ERG: variants seen among roughly 807,000 people sequenced by gnomAD.
ERG encodes the protein ETS transcription factor ERG.
In ERG, 9 loss-of-function variants were observed where a neutral mutation model predicts 55.3. The observed-to-expected ratio is 0.16, with a 90% confidence interval of 0.10 to 0.28. The LOEUF (loss-of-function observed/expected upper bound fraction) is 0.28. Ranked by LOEUF, ERG falls within the 10% of genes least tolerant of loss-of-function variation. The probability of loss-of-function intolerance (pLI) is 1.00; values close to 1 mark genes in which losing one functional copy is unlikely to be tolerated. For missense variants in ERG, 434 were observed against 631.6 expected, an observed-to-expected ratio of 0.69 and a Z score of 3.35; for synonymous variants, 223 against 237.3, an observed-to-expected ratio of 0.94 and a Z score of 0.55.
chr21:38,655,102 A>C (rs1485395070), intron 1 of ERG, among the ~76,000 whole-genome samples: 2 of 152,132 alleles, frequency 1.3e-5, no homozygotes, highest in Admixed American at 1.3e-4. Context: ...TTGCTAGTAC[A>C]TCCTTCACTT....
At chr21:38,531,897 C>T (rs748757166) in intron 2 of ERG, among the ~76,000 whole-genome samples, 1 of 152,012 alleles carries the variant, frequency 6.6e-6, no homozygotes, top group Non-Finnish European at 1.5e-5. Context: ...GAACCCAGGC[C>T]AGGAAAAGCT....
intron 7 of ERG, among the ~76,000 whole-genome samples, chr21:38,392,005 C>A (rs1404586861): frequency 1.3e-5 from 2 of 150,526 alleles, no homozygotes; most frequent in Non-Finnish European, 3.0e-5. Flanking sequence ...TACAATAAAT[C>A]ATAGTCTAAG....
At chr21:38,611,559 C>T (rs1315444780) in intron 1 of ERG, among the ~76,000 whole-genome samples, 1 of 152,156 alleles carries the variant, frequency 6.6e-6, no homozygotes, top group East Asian at 1.9e-4. Context: ...AGATAGCTCC[C>T]GGCTCCCCCT....
Position 38,380,375 on chromosome 21 carries a change from AC to A in ERG, c.*3027del, listed in dbSNP as rs1171817935. 24 of 1,060,782 alleles carry A rather than the reference AC, an allele frequency of 2.3e-5. No homozygotes were observed. The highest frequency in any genetic ancestry group is 4.2e-4 in the Middle Eastern group (1 of 2,378). 65.7% of individuals were successfully genotyped at this position (1,060,782 alleles called of 1,614,324 possible). ...GCAGTCCTGACAAAGCACTTTGTGA[AC>A]CCCTCCGGGACATAAGGGCATCAAA... On this transcript the variant is annotated 3_prime_UTR_variant, in exon 10 of 10. Transcript: ENST00000288319.
intron 2 of ERG, among the ~76,000 whole-genome samples, chr21:38,571,553 A>G (rs2059958042): frequency 6.6e-6 from 1 of 152,002 alleles, no homozygotes; most frequent in Non-Finnish European, 1.5e-5. Context: ...AAAATTTTTA[A>G]AAAAGGTACC....
At position 38,403,671 on chromosome 21, in the gene ERG, G is replaced by A. The variant is rs2146457148; in HGVS notation, c.427C>T (p.Leu143=). Residue 143 remains leucine, a synonymous_variant, in exon 4 of 10, where the codon CTG becomes TTG. Coordinates refer to ENST00000288319, the MANE Select transcript of ERG (RefSeq NM_182918.4). ...CCATATTCTTTCACCGCCCACTCCA[G>A]CCACTGCCGCACATGGTCTGTACTC... ...LWSTDHVRQW[L]EWAVKEYGLP... 1 of 1,614,178 alleles carries A rather than the reference G, an allele frequency of 6.2e-7. No individual in the cohort carries two copies. The highest frequency in any genetic ancestry group is 8.5e-7 in the Non-Finnish European group (1 of 1,180,016).
chr21:38,628,129 T>C (rs2060336445), intron 1 of ERG, among the ~76,000 whole-genome samples: 1 of 152,094 alleles, frequency 6.6e-6, no homozygotes, highest in Non-Finnish European at 1.5e-5. Flanking sequence ...TTGTATATTT[T>C]TGTAGAGACA....
At chr21:38,532,862 T>C (rs182562106) in intron 2 of ERG, among the ~76,000 whole-genome samples, 5 of 152,284 alleles carry the variant, frequency 3.3e-5, no homozygotes, top group Admixed American at 2.6e-4. Flanking sequence ...AATCCCTTAA[T>C]AAAAATTATG....
At chr21:38,593,812 G>C (rs1568937382) in intron 1 of ERG, among the ~76,000 whole-genome samples, 2 of 152,076 alleles carry the variant, frequency 1.3e-5, no homozygotes, top group Non-Finnish European at 2.9e-5. Context: ...ACATATAAGA[G>C]ACTTTATTAC....
At chr21:38,572,794 C>T (rs1601258008) in intron 2 of ERG, among the ~76,000 whole-genome samples, 2 of 152,146 alleles carry the variant, frequency 1.3e-5, no homozygotes, top group South Asian at 4.1e-4. Flanking sequence ...TTGACATCAA[C>T]CAATATGATG....
chr21:38,530,205 GC>G lies in ERG; in HGVS notation c.-41+45456del, dbSNP rs2059662252. Among the ~76,000 whole-genome samples, 4 of 151,896 alleles carry G rather than the reference GC, an allele frequency of 2.6e-5. No homozygotes were observed. In the South Asian group the frequency reaches 8.3e-4, roughly 32 times the overall value. ...CTCCTGAGTAGCTGAGACTATAGGC[GC>G]ACACCACCATGCCCAGCTAATTTTT... is the stretch of plus-strand genomic sequence containing the variant. On this transcript the variant is annotated intron_variant, in intron 2 of 8. Coordinates refer to the ERG transcript ENST00000398897.
chr21:38,487,583 A>T (rs76762307), intron 1 of ERG, among the ~76,000 whole-genome samples: 1 of 152,324 alleles, frequency 6.6e-6, no homozygotes, highest in African/African-American at 2.4e-5. Flanking sequence ...CATCACCCAA[A>T]TGTGGTTCAG....
At chr21:38,554,213 C>T (rs1389476616) in intron 2 of ERG, among the ~76,000 whole-genome samples, 1 of 152,166 alleles carries the variant, frequency 6.6e-6, no homozygotes. Flanking sequence ...GAAAAAGGAA[C>T]AGTTATATGC....
intron 1 of ERG, among the ~76,000 whole-genome samples, chr21:38,480,409 G>A (rs2059226481): frequency 6.6e-6 from 1 of 151,828 alleles, no homozygotes; most frequent in South Asian, 2.1e-4. Flanking sequence ...CTCCAGAAGG[G>A]ACCAACCCAG....
At chr21:38,405,436 G>C (rs960609873) in intron 3 of ERG, among the ~76,000 whole-genome samples, 1 of 152,104 alleles carries the variant, frequency 6.6e-6, no homozygotes. Context: ...CCAGGGCCTG[G>C]GGTCCTTTCT....
intron 2 of ERG, among the ~76,000 whole-genome samples, chr21:38,431,288 C>T (rs927767469): frequency 6.6e-6 from 1 of 152,138 alleles, no homozygotes; most frequent in African/African-American, 2.4e-5. Context: ...TTTCAAGCCC[C>T]CAGACATGAC....
In ERG at chr21:38,381,374, G is replaced by GC; in HGVS notation, c.*2028dup. ...AGCATTTGTGATTCAAAGAAAAGAT[G>GC]CCCAGGGAAACTGACTCTAGATTAT... On this transcript the variant is annotated 3_prime_UTR_variant, in exon 10 of 10. Coordinates refer to ENST00000288319, the MANE Select transcript of ERG (RefSeq NM_182918.4). 3.8e-6 allele frequency: 4 copies of GC among 1,063,378 alleles called. No individual in the cohort carries two copies. The highest frequency in any genetic ancestry group is 4.6e-6 in the Non-Finnish European group (4 of 878,120). The allele number at this position is 1,063,378 out of a possible 1,614,324, so 65.9% of individuals were successfully genotyped here. A position where few individuals can be genotyped will look rare whatever the true frequency, so the allele number is the denominator to read the frequency against.
At chr21:38,597,740 T>C (rs2060140936) in intron 1 of ERG, among the ~76,000 whole-genome samples, 1 of 152,130 alleles carries the variant, frequency 6.6e-6, no homozygotes, top group African/African-American at 2.4e-5. Context: ...CCTTCCTTCC[T>C]GAAGGGAACC....
At chr21:38,637,293 T>C (rs537710956) in intron 1 of ERG, among the ~76,000 whole-genome samples, 3 of 152,272 alleles carry the variant, frequency 2.0e-5, no homozygotes, top group East Asian at 3.9e-4. Context: ...CACCTGCGAA[T>C]TGGCAAACGG....
Sources: gnomAD v4.1 joint callset for allele counts (sites outside exome capture counted in the v4.1 genomes callset) on GRCh38, gnomAD v4.1.1 for gene constraint, MANE v1.5 for transcripts, NCBI Gene and HGNC (gene_info 2026-07-23, HGNC 2026-07-21) for gene names.